BMAL1: variants seen among roughly 807,000 people sequenced by gnomAD.
BMAL1 encodes the protein basic helix-loop-helix ARNT like 1.
chr11:13,384,820 C>T, the BMAL1 span, among the ~76,000 whole-genome samples: 949 of 152,074 alleles, frequency 6.2e-3, 14 homozygotes, highest in African/African-American at 0.021. Context: ...TAACATGTAG[C>T]GGGTTTATTA....
the BMAL1 span, among the ~76,000 whole-genome samples, chr11:13,284,180 G>GTATATATATATATA: frequency 4.7e-5 from 1 of 21,140 alleles, no homozygotes; most frequent in East Asian, 6.9e-4. Context: ...ATATATATGT[G>GTATATATATATATA]TATATATATA....
chr11:13,374,105 A>G, the BMAL1 span: 27 of 1,613,184 alleles, frequency 1.7e-5, no homozygotes, highest in Non-Finnish European at 2.2e-5. Context: ...GGCAACAGCT[A>G]TTTTGGCATA....
the BMAL1 span, among the ~76,000 whole-genome samples, chr11:13,317,621 C>T: frequency 4.6e-5 from 7 of 152,332 alleles, no homozygotes; most frequent in South Asian, 1.2e-3. Context: ...CTGAGAAATT[C>T]TCCCTCTCCA....
chr11:13,382,745 C>T, the BMAL1 span, among the ~76,000 whole-genome samples: 1 of 152,194 alleles, frequency 6.6e-6, no homozygotes, highest in Non-Finnish European at 1.5e-5. Flanking sequence ...ACTCAAAGAA[C>T]TTTCATATAC....
the BMAL1 span, among the ~76,000 whole-genome samples, chr11:13,377,457 C>T: frequency 2.6e-5 from 4 of 152,184 alleles, no homozygotes; most frequent in Non-Finnish European, 5.9e-5. Context: ...TCTTAAACTT[C>T]GTCACCACTA....
At chr11:13,292,408 G>T in the BMAL1 span, among the ~76,000 whole-genome samples, 1 of 151,404 alleles carries the variant, frequency 6.6e-6, no homozygotes, top group Non-Finnish European at 1.5e-5. Context: ...TTACCTGGGC[G>T]TAGTGGCGGG....
chr11:13,338,261 A>T, the BMAL1 span, among the ~76,000 whole-genome samples: 1 of 152,158 alleles, frequency 6.6e-6, no homozygotes. Context: ...CATTTTCATT[A>T]AGAGGAATTT....
the BMAL1 span, chr11:13,385,838 A>T: frequency 7.1e-7 from 1 of 1,412,918 alleles, no homozygotes; most frequent in Non-Finnish European, 1.0e-6. Flanking sequence ...CTTGCAAAAC[A>T]TCTTACATAA....
the BMAL1 span, among the ~76,000 whole-genome samples, chr11:13,298,275 G>A: frequency 1.3e-5 from 2 of 152,154 alleles, no homozygotes; most frequent in Non-Finnish European, 2.9e-5. Flanking sequence ...AACACACCAG[G>A]CATGCTTCCT....
chr11:13,277,434 AC>A, the BMAL1 span, among the ~76,000 whole-genome samples: 1 of 152,064 alleles, frequency 6.6e-6, no homozygotes, highest in Non-Finnish European at 1.5e-5. Context: ...GGGGCGAGGA[AC>A]CCAGGGAGCG....
the BMAL1 span, among the ~76,000 whole-genome samples, chr11:13,292,643 TTGTATTAGTTGGGATACCAGG>T: frequency 1.3e-5 from 2 of 152,016 alleles, no homozygotes; most frequent in African/African-American, 4.8e-5. Context: ...CTCAAGCTTC[TTGTATTAGTTGGGATACCAGG>T]TGAGTCCCTC....
the BMAL1 span, chr11:13,355,360 G>C: frequency 6.7e-7 from 1 of 1,488,350 alleles, no homozygotes; most frequent in Non-Finnish European, 9.4e-7. Context: ...TATGAGGGCT[G>C]TGAGGGCGTT....
the BMAL1 span, among the ~76,000 whole-genome samples, chr11:13,365,126 C>G: frequency 6.6e-6 from 1 of 152,096 alleles, no homozygotes; most frequent in Non-Finnish European, 1.5e-5. Flanking sequence ...ATCTCAGATT[C>G]TCTGACTCTC....
At chr11:13,277,829 G>GACGGAGGTGCCTGTT in the BMAL1 span, 1 of 152,372 alleles carries the variant, frequency 6.6e-6, no homozygotes, top group Non-Finnish European at 1.5e-5. Context: ...GTAGGTCAGG[G>GACGGAGGTGCCTGTT]ACGGAGGTGC....
chr11:13,382,190 TTC>T, the BMAL1 span, among the ~76,000 whole-genome samples: 1 of 152,186 alleles, frequency 6.6e-6, no homozygotes, highest in African/African-American at 2.4e-5. Flanking sequence ...GCAGCAATAC[TTC>T]TTTTTTATAC....
At chr11:13,385,400 A>G in the BMAL1 span, among the ~76,000 whole-genome samples, 1 of 152,192 alleles carries the variant, frequency 6.6e-6, no homozygotes, top group Admixed American at 6.5e-5. Context: ...CATTGGTCCT[A>G]AAGAAATATG....
At chr11:13,294,691 A>T in the BMAL1 span, among the ~76,000 whole-genome samples, 1 of 152,214 alleles carries the variant, frequency 6.6e-6, no homozygotes, top group Non-Finnish European at 1.5e-5. Flanking sequence ...ACTAGCCTTT[A>T]TTACAGCTAC....
the BMAL1 span, among the ~76,000 whole-genome samples, chr11:13,299,491 G>A: frequency 2.6e-5 from 4 of 152,108 alleles, no homozygotes; most frequent in Non-Finnish European, 5.9e-5. Flanking sequence ...TAGGTGCCTT[G>A]GGAGGCATGG....
the BMAL1 span, among the ~76,000 whole-genome samples, chr11:13,332,670 CTCTCT>C: frequency 6.6e-6 from 1 of 152,210 alleles, no homozygotes; most frequent in African/African-American, 2.4e-5. Flanking sequence ...TCCTCTTTCT[CTCTCT>C]TATTTCTTGC....
Sources: allele counts gnomAD v4.1 joint callset (sites outside exome capture counted in the v4.1 genomes callset), GRCh38; gene constraint gnomAD v4.1.1; transcripts MANE v1.5; gene names NCBI Gene and HGNC (gene_info 2026-07-23, HGNC 2026-07-21).